The following ABCD3 variants were observed in gnomAD, a reference collection of about 807,000 sequenced individuals.
The protein encoded by ABCD3 is ATP binding cassette subfamily D member 3, also known as ATP-binding cassette sub-family D member 3.
In ABCD3, 41 loss-of-function variants were observed where a neutral mutation model predicts 105.5. The ratio of observed to expected loss-of-function variants is 0.39; its 90% confidence interval spans 0.30 to 0.50. The LOEUF (loss-of-function observed/expected upper bound fraction) is 0.50. Ranked by LOEUF, ABCD3 falls within the 20% of genes least tolerant of loss-of-function variation. The pLI, the probability that ABCD3 is intolerant of heterozygous loss-of-function variation, is 0.84. For synonymous variants in ABCD3, 258 were observed against 269.0 expected (o/e 0.96, Z 0.40); for missense variants, 622 against 806.3 (o/e 0.77, Z 2.77).
intron 21 of ABCD3, among the ~76,000 whole-genome samples, chr1:94,511,049 T>G (rs2101065327): frequency 6.6e-6 from 1 of 152,228 alleles, no homozygotes; most frequent in South Asian, 2.1e-4. Flanking sequence ...GTTAGCTGGT[T>G]ATTTTGCTCG....
chr1:94,496,694 G>GTTTTTTTTTTTTTTT (rs71094302), intron 16 of ABCD3, among the ~76,000 whole-genome samples: 3 of 39,368 alleles, frequency 7.6e-5, no homozygotes, highest in African/African-American at 2.2e-4. Context: ...CCTTGTTTCT[G>GTTTTTTTTTTTTTTT]TTTTTTTTTT....
At chr1:94,402,282 A>G in the ABCD3 span, among the ~76,000 whole-genome samples, 2 of 152,104 alleles carry the variant, frequency 1.3e-5, no homozygotes, top group Admixed American at 1.3e-4. Flanking sequence ...TAAATTTTCT[A>G]TTTTCTAAAC....
intron 1 of ABCD3, among the ~76,000 whole-genome samples, chr1:94,432,860 T>C (rs1212922376): frequency 2.1e-4 from 2 of 9,460 alleles, no homozygotes; most frequent in Non-Finnish European, 7.9e-4. Flanking sequence ...AAATTTTTTT[T>C]CTTTTTTTTT....
chr1:94,407,913 A>G, the ABCD3 span, among the ~76,000 whole-genome samples: 3 of 152,270 alleles, frequency 2.0e-5, no homozygotes, highest in Admixed American at 2.0e-4. Flanking sequence ...GTCCATAAAT[A>G]AAGTGTTATT....
chr1:94,465,021 G>A (rs1172330088), intron 3 of ABCD3, 148 bp downstream of exon 3: 7 of 725,988 alleles, frequency 9.6e-6, no homozygotes, highest in East Asian at 8.0e-5. Flanking sequence ...CTCCACTTCC[G>A]GGGAGGCCTC....
intron 4 of ABCD3, among the ~76,000 whole-genome samples, chr1:94,468,499 ATAT>A (rs1184063526): frequency 1.7e-4 from 26 of 152,332 alleles, no homozygotes; most frequent in Admixed American, 8.5e-4. Flanking sequence ...GTCTTTCTAC[ATAT>A]TATTAATCAC....
At chr1:94,417,907 C>A (rs993719465), upstream of ABCD3, among the ~76,000 whole-genome samples, 1 of 152,216 alleles carries the variant, frequency 6.6e-6, no homozygotes, top group Non-Finnish European at 1.5e-5. Flanking sequence ...TCTCCCTACA[C>A]CTCTGCGGAG....
rs77495496 is a variant in ABCD3 at position 94,461,410 on chromosome 1, G to A, written c.147+2767G>A. Among the ~76,000 whole-genome samples the A allele has an allele frequency of 1.8e-3, 270 of 152,040 alleles. 1 individual carries two copies. The East Asian group carries it at 0.031, about 18-fold the overall frequency. On this transcript the variant is annotated intron_variant, in intron 2 of 22. Coordinates refer to ENST00000370214, the MANE Select transcript of ABCD3 (RefSeq NM_002858.4). The stretch of plus-strand genomic sequence containing the variant: ...TTCAAAATGTATAAAGATAAGTACT[G>A]TGCTGGGTTCAGTATTTAGCATTCC...
chr1:94,487,112 A>C (rs559434489), intron 10 of ABCD3, among the ~76,000 whole-genome samples: 1 of 152,192 alleles, frequency 6.6e-6, no homozygotes, highest in African/African-American at 2.4e-5. Context: ...AGCACAGACC[A>C]TGTGTCTCCA....
intron 21 of ABCD3, among the ~76,000 whole-genome samples, chr1:94,506,899 TATAA>T (rs1650382492): frequency 6.6e-6 from 1 of 151,932 alleles, no homozygotes; most frequent in South Asian, 2.1e-4. Flanking sequence ...AAAAGATATA[TATAA>T]ATGAGATACA....
rs763923004 is a variant in ABCD3 at position 94,506,602 on chromosome 1, G to A, written c.1805G>A (p.Ser602Asn). ...AILDECTSAVSVDVEGYIYSH... is the reference protein window; with the variant it reads ...AILDECTSAVNVDVEGYIYSH... ...TTGGATGAATGCACAAGTGCAGTTAGTGTCGACGTGGAAGGCTACATTTAT... is the reference window on the plus strand; with the variant it reads ...TTGGATGAATGCACAAGTGCAGTTAATGTCGACGTGGAAGGCTACATTTAT... Residue 602 changes from serine (S) to asparagine (N), a missense_variant, in exon 21 of 23, where the codon AGT (serine) becomes AAT (asparagine). By Grantham distance (46) the Ser-to-Asn change is conservative. Transcript: ENST00000370214. The A allele has an allele frequency of 1.2e-6, 2 of 1,612,978 alleles. No homozygotes were observed. Among genetic ancestry groups the A allele is most frequent in the Non-Finnish European group, 8.5e-7 (1 of 1,179,260 alleles).
chr1:94,418,407 G>A lies in ABCD3; in HGVS notation c.-72G>A. 1 of 1,325,672 alleles carries A rather than the reference G, an allele frequency of 7.5e-7. No homozygotes were observed. The highest frequency in any genetic ancestry group is 2.5e-5 in the East Asian group (1 of 39,762). 82.1% of individuals were successfully genotyped at this position (1,325,672 alleles called of 1,614,324 possible). On this transcript the variant is annotated 5_prime_UTR_variant, in exon 1 of 23. Transcript: ENST00000370214. ...CTCTCCTCCCAGTCTCCCCCGCGCT[G>A]CGTGCAGTAAGGTAGCCGCCGCCGC...
intron 21 of ABCD3, among the ~76,000 whole-genome samples, chr1:94,510,367 A>C (rs1314095080): frequency 6.6e-5 from 10 of 151,952 alleles, no homozygotes; most frequent in African/African-American, 2.4e-4. Flanking sequence ...GTTTGTTATA[A>C]TTTCTGTTCT....
At chr1:94,510,270 G>T in intron 21 of ABCD3, among the ~76,000 whole-genome samples, 1 of 152,080 alleles carries the variant, frequency 6.6e-6, no homozygotes, top group Non-Finnish European at 1.5e-5. Flanking sequence ...TCAGGAGCAG[G>T]TTGTTCAGTT....
Position 94,418,893 on chromosome 1 carries a change from G to T in ABCD3, c.110+305G>T, listed in dbSNP as rs1398593811. The T allele has an allele frequency of 1.2e-5, 6 of 492,114 alleles. No homozygotes were observed. In the Admixed American group the frequency reaches 2.1e-4, roughly 17 times the overall value. The allele number at this position is 492,114 out of a possible 1,614,324, so 30.5% of individuals were successfully genotyped here. A position where few individuals can be genotyped will look rare whatever the true frequency, so the allele number is the denominator to read the frequency against. Reference sequence around the variant, plus strand: ...GGCCTCCAGTTGGGGGTGGGAGGGGGATGCGGTGTGTCCCCCACCCCCTTC... The same window carrying T: ...GGCCTCCAGTTGGGGGTGGGAGGGGTATGCGGTGTGTCCCCCACCCCCTTC... On this transcript the variant is annotated intron_variant, in intron 1 of 22. Transcript: ENST00000370214.
At position 94,474,493 on chromosome 1, in the gene ABCD3, C is replaced by G. The variant is rs533440323; in HGVS notation, c.406-650C>G. Among the ~76,000 whole-genome samples the G allele has an allele frequency of 2.0e-5, 3 of 152,102 alleles. No individual in the cohort carries two copies. The South Asian group carries it at 6.2e-4, about 32-fold the overall frequency. The stretch of plus-strand genomic sequence containing the variant: ...AAAATGAGAAGCTTGGTTGTAAAAT[C>G]CAGTTATGTTGAAATTGCCAGAAAT... On this transcript the variant is annotated intron_variant, in intron 5 of 22. Transcript: ENST00000370214.
chr1:94,418,610 C>G, intron 1 of ABCD3, 22 bp downstream of exon 1: 1 of 1,576,006 alleles, frequency 6.3e-7, no homozygotes, highest in East Asian at 2.3e-5. Flanking sequence ...CGTAGCCGTG[C>G]AGCTTTCCCG....
chr1:94,393,160 T>C, the ABCD3 span, among the ~76,000 whole-genome samples: 1 of 151,910 alleles, frequency 6.6e-6, no homozygotes, highest in South Asian at 2.1e-4. Context: ...AAAAGTCTTA[T>C]TGTAGATGGT....
intron 2 of ABCD3, 131 bp downstream of exon 2, chr1:94,458,774 T>C (rs2100961035): frequency 3.5e-6 from 3 of 850,068 alleles, no homozygotes; most frequent in African/African-American, 1.7e-5. Context: ...TTCTACACAT[T>C]ACAGGAATAC....
Sources: allele counts gnomAD v4.1 joint callset (sites outside exome capture counted in the v4.1 genomes callset), GRCh38; gene constraint gnomAD v4.1.1; transcripts MANE v1.5; gene names NCBI Gene and HGNC (gene_info 2026-07-23, HGNC 2026-07-21).